Variants in DYNC1H1 observed in about 807,000 individuals in gnomAD.
DYNC1H1 encodes dynein cytoplasmic 1 heavy chain 1.
Under a neutral mutation model 527.1 loss-of-function variants are expected in DYNC1H1, and 51 were observed. The ratio of observed to expected loss-of-function variants is 0.10; its 90% CI spans 0.08 to 0.12. The LOEUF (loss-of-function observed/expected upper bound fraction) is 0.12, where lower values mean the gene tolerates loss of function less well. DYNC1H1 is among the 10% of genes least tolerant of loss of function. The probability of loss-of-function intolerance (pLI) is 1.00; values close to 1 mark genes in which losing one functional copy is unlikely to be tolerated. For synonymous variants in DYNC1H1, 2,189 were observed against 2,278.8 expected (o/e 0.96, Z 1.12); for missense variants, 2,771 against 5,971.8 (o/e 0.46, Z 17.66).
intron 1 of DYNC1H1, among the ~76,000 whole-genome samples, chr14:101,971,660 AG>A (rs1439208450): frequency 6.6e-6 from 1 of 152,190 alleles, no homozygotes; most frequent in Non-Finnish European, 1.5e-5. Context: ...AGAGAGGTCA[AG>A]GCTGCAATGA....
intron 41 of DYNC1H1, 92 bp from the exon 42 acceptor site, chr14:102,019,801 A>G (rs1240032949): frequency 9.9e-6 from 15 of 1,515,376 alleles, no homozygotes; most frequent in Non-Finnish European, 1.4e-5. Flanking sequence ...AGGTTCTTTA[A>G]TGTAAACATG....
chr14:101,986,217 G>C lies in DYNC1H1; in HGVS notation c.1992G>C (p.Arg664=). The C allele has an allele frequency of 1.9e-6, 3 of 1,614,192 alleles. No homozygotes were observed. Among genetic ancestry groups the C allele is most frequent in the East Asian group, 2.2e-5 (1 of 44,884 alleles). ...GGCAGCTGACGGCCTACATGAAGCG[G>C]GTGGAAGATGTCCTTGGCAAGGGCT... The part of the protein sequence containing the change: ...IDRQLTAYMK[R]VEDVLGKGWE... The change falls in exon 8 of 78, where the codon CGG becomes CGC. Residue 664 remains arginine (R), a synonymous_variant. Coordinates refer to ENST00000360184, the MANE Select transcript of DYNC1H1 (RefSeq NM_001376.5). The surrounding 1 kb of genome is among the most constrained non-coding windows in gnomAD (Gnocchi z 8.7).
chr14:101,965,039 T>TCCCG lies in DYNC1H1; in HGVS notation c.256+92_256+93insCCCG. On this transcript the variant is annotated intron_variant, in intron 1 of 77. Transcript: ENST00000360184. This position sits in a 1 kb window ranked among gnomAD's most constrained non-coding sequence, Gnocchi z 4.1. ...TCCGGGGTCGCAGATGTCCCCGGGA[T>TCCCG]GGGAGGAGCCCGGCAGCTGCAGATG... 1 of 1,371,290 alleles carries TCCCG rather than the reference T, an allele frequency of 7.3e-7. No homozygotes were observed. Among genetic ancestry groups the TCCCG allele is most frequent in the Non-Finnish European group, 9.9e-7 (1 of 1,012,534 alleles). The allele number at this position is 1,371,290 out of a possible 1,614,324, so 84.9% of individuals were successfully genotyped here.
intron 29 of DYNC1H1, among the ~76,000 whole-genome samples, 195 bp downstream of exon 29, chr14:102,008,532 A>C (rs1401747051): frequency 1.3e-5 from 2 of 152,194 alleles, no homozygotes; most frequent in African/African-American, 4.8e-5. Flanking sequence ...TCACGTGTGT[A>C]ATCCCAGCAC....
At position 102,005,011 on chromosome 14, in the gene DYNC1H1, T is replaced by G. The variant is rs760468390; in HGVS notation, c.5239-31T>G. On this transcript the variant is annotated intron_variant, in intron 25 of 77. Transcript: ENST00000360184. The surrounding 1 kb of genome is among the most constrained non-coding windows in gnomAD (Gnocchi z 4.0). Reference sequence around the variant, plus strand: ...AAACGCAGACCAATCTTTAAAATGATCCTTTGGGATCTTGTTTCTGTGTCT... The same window carrying G: ...AAACGCAGACCAATCTTTAAAATGAGCCTTTGGGATCTTGTTTCTGTGTCT... The G allele has an allele frequency of 6.8e-6, 11 of 1,614,232 alleles. No individual in the cohort carries two copies. Among genetic ancestry groups the G allele is most frequent in the Non-Finnish European group, 9.3e-6 (11 of 1,180,044 alleles).
At position 102,001,252 on chromosome 14, in the gene DYNC1H1, T is replaced by C. The variant is rs1595609023; in HGVS notation, c.4293T>C (p.Leu1431=). ...HVNWVVSELT[L]GQIWDVDLQK... Reference sequence around the variant, plus strand: ...ATTGGGTTGTTTCTGAGCTAACCCTTGGCCAAATCTGGGATGTTGACTTGC... The same window carrying C: ...ATTGGGTTGTTTCTGAGCTAACCCTCGGCCAAATCTGGGATGTTGACTTGC... Residue 1431 remains leucine (L), a synonymous_variant, in exon 20 of 78, where the codon CTT becomes CTC. Coordinates refer to ENST00000360184, the MANE Select transcript of DYNC1H1 (RefSeq NM_001376.5). This position sits in a 1 kb window ranked among gnomAD's most constrained non-coding sequence, Gnocchi z 5.0. 1.2e-6 allele frequency: 2 copies of C among 1,614,240 alleles called. No homozygotes were observed. Among genetic ancestry groups the C allele is most frequent in the African/African-American group, 2.7e-5 (2 of 75,056 alleles).
intron 10 of DYNC1H1, among the ~76,000 whole-genome samples, chr14:101,989,316 A>C (rs1180666795): frequency 6.6e-6 from 1 of 152,252 alleles, no homozygotes; most frequent in Non-Finnish European, 1.5e-5. Flanking sequence ...CATGACATTG[A>C]AACGTACTCC....
At chr14:101,988,974 A>G in intron 10 of DYNC1H1, 122 bp downstream of exon 10, 1 of 1,351,602 alleles carries the variant, frequency 7.4e-7, no homozygotes, top group African/African-American at 1.4e-5. Context: ...TAACCAGGTG[A>G]TGAAGGTCAG....
rs989744829 is a variant in DYNC1H1 at position 102,033,035 on chromosome 14, G to T, written c.10080-30G>T. 3 of 1,598,874 alleles carry T rather than the reference G, an allele frequency of 1.9e-6. No homozygotes were observed. The highest frequency in any genetic ancestry group is 2.6e-6 in the Non-Finnish European group (3 of 1,166,292). Reference sequence around the variant, plus strand: ...ACTCTTCCTTGCTTTTGTCCTGCATGTGTTTAGAAATATCATTCGTCTTTT... The same window carrying T: ...ACTCTTCCTTGCTTTTGTCCTGCATTTGTTTAGAAATATCATTCGTCTTTT... On this transcript the variant is annotated intron_variant, in intron 52 of 77. Coordinates refer to ENST00000360184, the MANE Select transcript of DYNC1H1 (RefSeq NM_001376.5). The surrounding 1 kb of genome is among the most constrained non-coding windows in gnomAD (Gnocchi z 5.6).
At chr14:101,974,391 G>A (rs898274521) in intron 1 of DYNC1H1, among the ~76,000 whole-genome samples, 2 of 152,028 alleles carry the variant, frequency 1.3e-5, no homozygotes, top group Non-Finnish European at 2.9e-5. Context: ...GCGCCATCAC[G>A]CCCAGCCTTC....
Position 102,000,335 on chromosome 14 carries a change from C to A in DYNC1H1, c.4010C>A (p.Ser1337Tyr). Residue 1337 changes from serine (S) to tyrosine (Y), a missense_variant, in exon 18 of 78, where the codon TCT becomes TAT. By Grantham distance (144) the Ser-to-Tyr change is moderately radical. Coordinates refer to ENST00000360184, the MANE Select transcript of DYNC1H1 (RefSeq NM_001376.5). ...CTCAAAGGCGTTTGGTCAGAACTTT[C>A]TAAGGTTTGGGAGCAAATCGATCAG... is the stretch of plus-strand genomic sequence containing the variant. ...QDLKGVWSEL[S>Y]KVWEQIDQMK... The A allele has an allele frequency of 6.2e-7, 1 of 1,614,150 alleles. No homozygotes were observed. The highest frequency in any genetic ancestry group is 8.5e-7 in the Non-Finnish European group (1 of 1,180,032).
intron 1 of DYNC1H1, among the ~76,000 whole-genome samples, chr14:101,971,085 CTTTTTTTTTTTT>C (rs780745783): frequency 9.4e-5 from 6 of 64,070 alleles, no homozygotes; most frequent in African/African-American, 3.3e-4. Flanking sequence ...CCGTATCATT[CTTTTTTTTTTTT>C]TTTTTTTTTT....
At position 102,040,521 on chromosome 14, in the gene DYNC1H1, C is replaced by G; in HGVS notation, c.11866-77C>G. The G allele has an allele frequency of 3.7e-6, 6 of 1,612,068 alleles. No homozygotes were observed. In the South Asian group the frequency reaches 6.6e-5, roughly 18 times the overall value. Reference sequence around the variant, plus strand: ...GAATGTTGTGTCTGCGCTCTCGCGTCAGACTCTCGCTCAGTCGTGGGTTCT... The same window carrying G: ...GAATGTTGTGTCTGCGCTCTCGCGTGAGACTCTCGCTCAGTCGTGGGTTCT... On this transcript the variant is annotated intron_variant, in intron 63 of 77. Transcript: ENST00000360184.
chr14:102,050,453 C>T lies in DYNC1H1; in HGVS notation c.13831C>T (p.Leu4611=), dbSNP rs567441940. The T allele has an allele frequency of 1.3e-5, 21 of 1,614,214 alleles. 1 individual carries two copies. In the African/African-American group the frequency reaches 1.7e-4, roughly 13 times the overall value. ...KASVVTLPVY[L]NFTRADLIFT... ...TCTGCAGGTAACCTTACCTGTCTACCTGAACTTCACCCGTGCAGACCTCAT... is the reference window on the plus strand; with the variant it reads ...TCTGCAGGTAACCTTACCTGTCTACTTGAACTTCACCCGTGCAGACCTCAT... Residue 4611 remains leucine, a synonymous_variant, in exon 78 of 78, where the codon CTG becomes TTG. Transcript: ENST00000360184.
chr14:101,997,164 A>G lies in DYNC1H1; in HGVS notation c.3694A>G (p.Ile1232Val). The G allele has an allele frequency of 6.2e-7, 1 of 1,614,176 alleles. No homozygotes were observed. Among genetic ancestry groups the G allele is most frequent in the Non-Finnish European group, 8.5e-7 (1 of 1,180,034 alleles). The change falls in exon 16 of 78, where the codon ATT (isoleucine) becomes GTT (valine). Residue 1232 changes from isoleucine to valine, a missense_variant. By Grantham distance (29) the Ile-to-Val change is conservative. Coordinates refer to ENST00000360184, the MANE Select transcript of DYNC1H1 (RefSeq NM_001376.5). This position sits in a 1 kb window ranked among gnomAD's most constrained non-coding sequence, Gnocchi z 4.8. ...NDIMRRKDSA[I>V]QQQVANLQMK... ...CATCATGCGGCGAAAGGACTCTGCC[A>G]TTCAGCAGCAGGTGGCAAACCTGCA...
At position 102,028,037 on chromosome 14, in the gene DYNC1H1, G is replaced by A. The variant is rs1567017307; in HGVS notation, c.9364G>A (p.Val3122Met). 9 of 1,614,154 alleles carry A rather than the reference G, an allele frequency of 5.6e-6. No individual in the cohort carries two copies. Among genetic ancestry groups the A allele is most frequent in the Non-Finnish European group, 7.6e-6 (9 of 1,180,032 alleles). Residue 3122 changes from valine (V) to methionine (M), a missense_variant, in exon 48 of 78, where the codon GTG becomes ATG. Physicochemically the swap from Val to Met is conservative, Grantham distance 21. This residue lies in a region of DYNC1H1 where 67 missense variants were observed against 128.2 expected (regional missense o/e 0.52). Transcript: ENST00000360184. ...GGATCTGGAGAAGCCAAATTACATC[G>A]TGCCTGATTACATGCCAGTTGTGTA... ...KMDLEKPNYIVPDYMPVVYDK... is the reference protein window; with the variant it reads ...KMDLEKPNYIMPDYMPVVYDK...
rs1444213016 is a variant in DYNC1H1 at position 101,984,445 on chromosome 14, A to ATTT, written c.1461+838_1461+839insTTT. 1.4e-3 allele frequency among the ~76,000 whole-genome samples: 134 copies of ATTT among 92,834 alleles called. 4 individuals are homozygous for ATTT. Among genetic ancestry groups the ATTT allele is most frequent in the African/African-American group, 4.9e-3 (84 of 17,220 alleles). The allele number at this position is 92,834 out of a possible 152,430, so 60.9% of individuals were successfully genotyped here. A position where few individuals can be genotyped will look rare whatever the true frequency, so the allele number is the denominator to read the frequency against. On this transcript the variant is annotated intron_variant, in intron 7 of 77. Transcript: ENST00000360184. ...TGTGTGTGTGTGTATATATATATAT[A>ATTT]TTATATTTTTTTTTTTTTTTTTTTT...
At position 101,987,608 on chromosome 14, in the gene DYNC1H1, C is replaced by A; in HGVS notation, c.2694C>A (p.Ile898=). The change falls in exon 9 of 78, where the codon ATC becomes ATA. Residue 898 remains isoleucine, a synonymous_variant. Transcript: ENST00000360184. The part of the protein sequence containing the change: ...LNLHSYSNLP[I]WVNKLDMEIE... ...TGCACTCCTATTCCAATTTGCCCATCTGGGTCAACAAGCTTGACATGGAGG... is the reference window on the plus strand; with the variant it reads ...TGCACTCCTATTCCAATTTGCCCATATGGGTCAACAAGCTTGACATGGAGG... The A allele has an allele frequency of 6.2e-7, 1 of 1,614,180 alleles. No individual in the cohort carries two copies. The highest frequency in any genetic ancestry group is 8.5e-7 in the Non-Finnish European group (1 of 1,180,034).
Position 102,042,942 on chromosome 14 carries a change from T to G in DYNC1H1, c.12513+194T>G. On this transcript the variant is annotated intron_variant, in intron 69 of 77. Transcript: ENST00000360184. This position sits in a 1 kb window ranked among gnomAD's most constrained non-coding sequence, Gnocchi z 5.7. Reference sequence around the variant, plus strand: ...TGGCTCACACTGGTAATCCTAGCACTTTGGAAGGTCGAGGTGGGAGGATCA... The same window carrying G: ...TGGCTCACACTGGTAATCCTAGCACGTTGGAAGGTCGAGGTGGGAGGATCA... The G allele has an allele frequency of 1.5e-6, 1 of 666,592 alleles. No individual in the cohort carries two copies. The highest frequency in any genetic ancestry group is 2.7e-6 in the Non-Finnish European group (1 of 375,868). 41.3% of individuals were successfully genotyped at this position (666,592 alleles called of 1,614,324 possible).
Sources: allele counts gnomAD v4.1 joint callset (sites outside exome capture counted in the v4.1 genomes callset), GRCh38; gene constraint gnomAD v4.1.1; regional missense constraint gnomAD v4.1.1; non-coding constraint Gnocchi (gnomAD v3.1); transcripts MANE v1.5; gene names NCBI Gene and HGNC (gene_info 2026-07-23, HGNC 2026-07-21).